The following CNTNAP4 variants were observed in gnomAD, a reference collection of about 807,000 sequenced individuals.
CNTNAP4 encodes contactin associated protein family member 4.
Under a neutral mutation model 148.4 loss-of-function variants are expected in CNTNAP4, and 98 were observed. The observed-to-expected ratio is 0.66, with a 90% CI of 0.56 to 0.78. The LOEUF is 0.78. Among genes scored for constraint, CNTNAP4 ranks in the 30% least tolerant of loss-of-function variants. CNTNAP4 has a pLI of 0.00. For missense variants in CNTNAP4, 1,935 were observed against 1,565.6 expected (o/e 1.24, Z -3.98); for synonymous variants, 730 against 565.1 (o/e 1.29, Z -4.14).
At chr16:76,290,098 G>A (rs1959053737) in intron 1 of CNTNAP4, among the ~76,000 whole-genome samples, 1 of 152,148 alleles carries the variant, frequency 6.6e-6, no homozygotes, top group Non-Finnish European at 1.5e-5. Context: ...AGGTGGTGAA[G>A]TGTGCCCTGT....
intron 1 of CNTNAP4, among the ~76,000 whole-genome samples, chr16:76,287,930 T>G (rs555898939): frequency 3.9e-5 from 6 of 152,208 alleles, no homozygotes; most frequent in Non-Finnish European, 8.8e-5. Context: ...TTGAGGCTTA[T>G]GAACATGGCA....
chr16:76,374,417 T>C (rs1178510311), intron 3 of CNTNAP4, among the ~76,000 whole-genome samples: 3 of 152,188 alleles, frequency 2.0e-5, no homozygotes, highest in Non-Finnish European at 4.4e-5. Flanking sequence ...GTAAAAAAAT[T>C]AATATATCAC....
chr16:76,360,980 C>G (rs2013359764), intron 3 of CNTNAP4, among the ~76,000 whole-genome samples: 1 of 151,580 alleles, frequency 6.6e-6, no homozygotes, highest in Admixed American at 6.6e-5. Flanking sequence ...CCACACCCGG[C>G]TAATTTTTTT....
At chr16:76,552,632 T>C (rs1191142052) in intron 21 of CNTNAP4, among the ~76,000 whole-genome samples, 4 of 152,182 alleles carry the variant, frequency 2.6e-5, no homozygotes, top group Admixed American at 6.5e-5. Context: ...CAAGTTGTCA[T>C]TGAAACAAGA....
intron 1 of CNTNAP4, 108 bp downstream of exon 1, chr16:76,277,855 T>C (rs986497511): frequency 1.1e-5 from 8 of 743,008 alleles, no homozygotes; most frequent in Admixed American, 2.1e-5. Context: ...GCAAAGCGTA[T>C]TGCTGTAAAC....
chr16:76,378,804 C>T (rs1251014269), intron 3 of CNTNAP4, among the ~76,000 whole-genome samples: 1 of 152,162 alleles, frequency 6.6e-6, no homozygotes, highest in Non-Finnish European at 1.5e-5. Context: ...AGGGAGAAAA[C>T]CCGGCCCAGC....
intron 23 of CNTNAP4, among the ~76,000 whole-genome samples, chr16:76,554,740 T>G (rs2085119614): frequency 6.6e-6 from 1 of 151,932 alleles, no homozygotes. Flanking sequence ...AAAGTTTTTG[T>G]GCCAGTAATA....
intron 3 of CNTNAP4, among the ~76,000 whole-genome samples, chr16:76,418,107 A>G (rs999867053): frequency 9.3e-5 from 14 of 151,296 alleles, no homozygotes; most frequent in Admixed American, 8.6e-4. Context: ...TTTAATCTTC[A>G]TGTTTATTCT....
At chr16:76,493,396 T>C (rs1161400267) in intron 13 of CNTNAP4, among the ~76,000 whole-genome samples, 1 of 152,152 alleles carries the variant, frequency 6.6e-6, no homozygotes, top group Admixed American at 6.6e-5. Context: ...GGAGGTGGAA[T>C]GTTCTACCAT....
chr16:76,348,734 G>A (rs950494804), intron 2 of CNTNAP4, among the ~76,000 whole-genome samples: 1 of 152,030 alleles, frequency 6.6e-6, no homozygotes, highest in Non-Finnish European at 1.5e-5. Flanking sequence ...GACAAGAGCA[G>A]TTGCAGTTGA....
chr16:76,277,458 CAG>C lies in CNTNAP4; in HGVS notation c.-201_-200del, dbSNP rs1185713520. The C allele has an allele frequency of 3.7e-6, 2 of 544,786 alleles. No individual in the cohort carries two copies. The highest frequency in any genetic ancestry group is 2.7e-5 in the South Asian group (1 of 37,708). The allele number at this position is 544,786 out of a possible 1,614,324, so 33.7% of individuals were successfully genotyped here. A position where few individuals can be genotyped will look rare whatever the true frequency, so the allele number is the denominator to read the frequency against. On this transcript the variant is annotated 5_prime_UTR_variant, in exon 1 of 24. Coordinates refer to ENST00000611870, the MANE Select transcript of CNTNAP4 (RefSeq NM_033401.5). ...GAGAGAGAGAGAGAAAAGAGAGAGA[CAG>C]AGACGGGGAGAGAGAGAGGGAGAGA...
rs199919225 is a variant in CNTNAP4, at chr16:76,462,110, G to T, written c.1483+5G>T. 2 of 1,611,960 alleles carry T rather than the reference G, an allele frequency of 1.2e-6. No homozygotes were observed. The highest frequency in any genetic ancestry group is 1.1e-5 in the South Asian group (1 of 90,860). The stretch of plus-strand genomic sequence containing the variant: ...GTGGCACCTATTATTTTGGAGGTAA[G>T]AATAGGTGCCAGGCTCTATGAGCAA... On this transcript the variant is annotated splice_donor_5th_base_variant and intron_variant, in intron 9 of 23. Coordinates refer to ENST00000611870, the MANE Select transcript of CNTNAP4 (RefSeq NM_033401.5).
chr16:76,553,485 G>A lies in CNTNAP4; in HGVS notation c.3645G>A (p.Arg1215=), dbSNP rs749051484. ...QPGTDATSRE[R]THSFADHSGT... ...GCACTGATGCCACATCAAGGGAAAG[G>A]ACACACTCGTTTGCAGGTGACTTAG... The change falls in exon 22 of 24, where the codon AGG becomes AGA. Residue 1215 remains arginine (R), a synonymous_variant. Transcript: ENST00000611870. 1 of 1,610,798 alleles carries A rather than the reference G, an allele frequency of 6.2e-7. No individual in the cohort carries two copies. The highest frequency in any genetic ancestry group is 8.5e-7 in the Non-Finnish European group (1 of 1,178,250).
At chr16:76,551,120 A>C (rs372229498) in intron 21 of CNTNAP4, among the ~76,000 whole-genome samples, 2 of 152,254 alleles carry the variant, frequency 1.3e-5, no homozygotes, top group South Asian at 2.1e-4. Context: ...AAAAACTTAG[A>C]TATAACTGGC....
At chr16:76,297,394 T>G (rs2143892249) in intron 1 of CNTNAP4, among the ~76,000 whole-genome samples, 1 of 152,312 alleles carries the variant, frequency 6.6e-6, no homozygotes, top group African/African-American at 2.4e-5. Context: ...TTATATTTAT[T>G]TTTGTTCAAT....
At chr16:76,434,443 G>T (rs967984661) in intron 4 of CNTNAP4, among the ~76,000 whole-genome samples, 1 of 152,172 alleles carries the variant, frequency 6.6e-6, no homozygotes, top group East Asian at 1.9e-4. Flanking sequence ...TGTGTTAATT[G>T]GAGCAGGCAA....
intron 8 of CNTNAP4, among the ~76,000 whole-genome samples, chr16:76,456,670 C>T (rs1018965697): frequency 2.0e-5 from 3 of 152,218 alleles, no homozygotes; most frequent in African/African-American, 7.2e-5. Flanking sequence ...ATTCTTACAA[C>T]ACCAAGGTCT....
At chr16:76,433,215 G>A (rs906183659) in intron 4 of CNTNAP4, among the ~76,000 whole-genome samples, 1 of 152,220 alleles carries the variant, frequency 6.6e-6, no homozygotes, top group East Asian at 1.9e-4. Flanking sequence ...GGCAAGCTTA[G>A]TAAGCCTCAG....
chr16:76,552,158 A>G (rs913772907), intron 21 of CNTNAP4, among the ~76,000 whole-genome samples: 2 of 152,190 alleles, frequency 1.3e-5, no homozygotes, highest in African/African-American at 4.8e-5. Context: ...AGAAGGATGA[A>G]CTTCCAAACA....
Sources: allele counts gnomAD v4.1 joint callset (sites outside exome capture counted in the v4.1 genomes callset), GRCh38; gene constraint gnomAD v4.1.1; transcripts MANE v1.5; gene names NCBI Gene and HGNC (gene_info 2026-07-23, HGNC 2026-07-21).